Variants in GUCY1A2 observed in about 807,000 individuals in gnomAD.
GUCY1A2 encodes the protein guanylate cyclase soluble subunit alpha-2.
GUCY1A2 carries 27 observed loss-of-function variants against 63.5 expected under a neutral mutation model. That is an observed-to-expected ratio of 0.43 (90% CI 0.31 to 0.59). The LOEUF (loss-of-function observed/expected upper bound fraction) is 0.59. Ranked by LOEUF, GUCY1A2 falls within the 20% of genes least tolerant of loss-of-function variation. The pLI is 0.11. For missense variants in GUCY1A2, 768 were observed against 913.3 expected, an observed-to-expected ratio of 0.84 and a Z score of 2.05; for synonymous variants, 364 against 343.5, an observed-to-expected ratio of 1.06 and a Z score of -0.66.
intron 4 of GUCY1A2, among the ~76,000 whole-genome samples, chr11:106,928,496 A>C (rs2119934398): frequency 6.6e-6 from 1 of 152,258 alleles, no homozygotes; most frequent in Non-Finnish European, 1.5e-5. Context: ...GGAAAAAAAA[A>C]AAACCACCAT....
chr11:106,926,536 A>G (rs1398257742), intron 4 of GUCY1A2, among the ~76,000 whole-genome samples: 2 of 152,100 alleles, frequency 1.3e-5, no homozygotes, highest in Non-Finnish European at 2.9e-5. Context: ...AGAACAGTTC[A>G]TACCAGACCC....
At chr11:106,940,874 G>C (rs1191237410) in intron 3 of GUCY1A2, among the ~76,000 whole-genome samples, 1 of 151,956 alleles carries the variant, frequency 6.6e-6, no homozygotes, top group Non-Finnish European at 1.5e-5. Flanking sequence ...GAATATCCAA[G>C]TTGCCTACAT....
chr11:107,001,450 T>C (rs1031167883), intron 1 of GUCY1A2, among the ~76,000 whole-genome samples: 3 of 152,148 alleles, frequency 2.0e-5, no homozygotes, highest in African/African-American at 7.2e-5. Context: ...CTGGAACCAT[T>C]TTTTGCTCCA....
chr11:106,741,800 A>G (rs1371967707), intron 6 of GUCY1A2, among the ~76,000 whole-genome samples: 1 of 152,240 alleles, frequency 6.6e-6, no homozygotes, highest in Non-Finnish European at 1.5e-5. Context: ...AGCAATTATC[A>G]TGAAGATGAT....
chr11:106,698,744 T>C (rs1285963506), intron 7 of GUCY1A2, among the ~76,000 whole-genome samples: 1 of 152,218 alleles, frequency 6.6e-6, no homozygotes, highest in East Asian at 1.9e-4. Flanking sequence ...TAGAATTATC[T>C]AGACCTAACC....
chr11:106,885,619 C>A (rs1382645637), intron 4 of GUCY1A2, among the ~76,000 whole-genome samples: 2 of 152,130 alleles, frequency 1.3e-5, no homozygotes, highest in African/African-American at 4.8e-5. Flanking sequence ...AATACCAGTC[C>A]TAGTTTCAAT....
At chr11:106,784,124 C>T (rs1362621528) in intron 5 of GUCY1A2, among the ~76,000 whole-genome samples, 4 of 152,134 alleles carry the variant, frequency 2.6e-5, no homozygotes. Flanking sequence ...TACATTTCTT[C>T]CTCCACCAGC....
At chr11:106,939,295 GA>G (rs1360126896) in intron 4 of GUCY1A2, among the ~76,000 whole-genome samples, 164 bp downstream of exon 4, 1 of 152,166 alleles carries the variant, frequency 6.6e-6, no homozygotes, top group East Asian at 1.9e-4. Flanking sequence ...AAATGGCTGG[GA>G]ATGAGGCCAA....
intron 4 of GUCY1A2, chr11:106,936,715 TG>T: frequency 6.8e-7 from 1 of 1,470,322 alleles, no homozygotes; most frequent in South Asian, 1.2e-5. Context: ...TGCTTGCTCT[TG>T]ATTTTTTTTT....
chr11:107,009,243 T>C (rs1167799539), intron 1 of GUCY1A2, among the ~76,000 whole-genome samples: 1 of 152,174 alleles, frequency 6.6e-6, no homozygotes, highest in African/African-American at 2.4e-5. Context: ...ATATCTGATA[T>C]CTGAACCTCC....
intron 6 of GUCY1A2, among the ~76,000 whole-genome samples, chr11:106,719,692 G>C (rs187725799): frequency 2.6e-5 from 4 of 152,130 alleles, no homozygotes; most frequent in Admixed American, 2.6e-4. Context: ...GAATCAACTG[G>C]GGAGCTTTAA....
At chr11:106,969,308 G>GA (rs1861165268) in intron 3 of GUCY1A2, among the ~76,000 whole-genome samples, 1 of 152,092 alleles carries the variant, frequency 6.6e-6, no homozygotes, top group Non-Finnish European at 1.5e-5. Flanking sequence ...CAGGATGTTT[G>GA]AATTTAACTC....
chr11:106,938,920 T>C (rs907118776), intron 4 of GUCY1A2, among the ~76,000 whole-genome samples: 3 of 152,216 alleles, frequency 2.0e-5, no homozygotes, highest in Non-Finnish European at 4.4e-5. Flanking sequence ...TCTATTTTAA[T>C]ACTAAAATTT....
intron 4 of GUCY1A2, among the ~76,000 whole-genome samples, chr11:106,889,962 T>A (rs1859952325): frequency 6.6e-6 from 1 of 152,190 alleles, no homozygotes; most frequent in African/African-American, 2.4e-5. Flanking sequence ...GTCCACCTTA[T>A]ATAATTAATA....
intron 7 of GUCY1A2, among the ~76,000 whole-genome samples, chr11:106,694,455 A>C (rs949339829): frequency 6.6e-6 from 1 of 152,214 alleles, no homozygotes; most frequent in Non-Finnish European, 1.5e-5. Context: ...CTGAGTAATT[A>C]TTAGGCTCCT....
chr11:106,905,513 G>A (rs1354585248), intron 4 of GUCY1A2, among the ~76,000 whole-genome samples: 1 of 152,012 alleles, frequency 6.6e-6, no homozygotes, highest in African/African-American at 2.4e-5. Context: ...ACAGTTACAT[G>A]AAGGGTACGC....
chr11:106,702,269 A>G (rs1219375395), intron 7 of GUCY1A2, among the ~76,000 whole-genome samples: 1 of 152,242 alleles, frequency 6.6e-6, no homozygotes, highest in Non-Finnish European at 1.5e-5. Flanking sequence ...GACATCAAAT[A>G]GCTTAACCAA....
chr11:106,987,443 G>A (rs1266960275), intron 1 of GUCY1A2, among the ~76,000 whole-genome samples: 1 of 152,152 alleles, frequency 6.6e-6, no homozygotes, highest in Non-Finnish European at 1.5e-5. Context: ...TTGAGGTCAG[G>A]AGTTCAAGAC....
rs749516556 is a variant in GUCY1A2, at chr11:107,017,791, A to C, written c.265T>G (p.Ser89Ala). 7.0e-7 allele frequency: 1 copy of C among 1,427,314 alleles called. No individual in the cohort carries two copies. Among genetic ancestry groups the C allele is most frequent in the Non-Finnish European group, 9.2e-7 (1 of 1,090,602 alleles). 88.4% of individuals were successfully genotyped at this position (1,427,314 alleles called of 1,614,324 possible). A position where few individuals can be genotyped will look rare whatever the true frequency, so the allele number is the denominator to read the frequency against. Residue 89 changes from serine to alanine, a missense_variant, in exon 1 of 8, where the codon TCG (serine) becomes GCG (alanine). Ser to Ala is a moderately conservative substitution (Grantham distance 99, BLOSUM62 1). This residue lies in a region of GUCY1A2 where 496 missense variants were observed against 486.9 expected (regional missense o/e 1.02). Coordinates refer to ENST00000526355, the MANE Select transcript of GUCY1A2 (RefSeq NM_000855.3). Reference protein sequence around the residue: ...VQRRRRVNLDSLGESISRLTA... With the variant: ...VQRRRRVNLDALGESISRLTA... ...AGGCGGCTGATGCTCTCGCCCAGCG[A>C]GTCCAGGTTGACCCGCCTCCGGCGC... is the stretch of plus-strand genomic sequence containing the variant.
Sources: allele counts gnomAD v4.1 joint callset (sites outside exome capture counted in the v4.1 genomes callset), GRCh38; gene constraint gnomAD v4.1.1; regional missense constraint gnomAD v4.1.1; transcripts MANE v1.5; gene names NCBI Gene and HGNC (gene_info 2026-07-23, HGNC 2026-07-21).